LSAMP: variants seen among roughly 807,000 people sequenced by gnomAD.
LSAMP encodes the protein limbic system-associated membrane protein.
A neutral mutation model predicts 38.6 loss-of-function variants in LSAMP; 7 were observed. That is an observed-to-expected ratio of 0.18 (90% CI 0.10 to 0.34). The LOEUF is 0.34. Among genes scored for constraint, LSAMP ranks in the 10% least tolerant of loss-of-function variants. LSAMP has a pLI of 1.00. For missense variants in LSAMP, 313 were observed against 420.0 expected, an observed-to-expected ratio of 0.75 and a Z score of 2.23; for synonymous variants, 154 against 166.8, an observed-to-expected ratio of 0.92 and a Z score of 0.59.
chr3:115,944,208 G>C (rs1306257956), intron 3 of LSAMP, among the ~76,000 whole-genome samples: 1 of 152,102 alleles, frequency 6.6e-6, no homozygotes, highest in Non-Finnish European at 1.5e-5. Flanking sequence ...GAATGTCCTT[G>C]CTGATGCTGC....
intron 1 of LSAMP, among the ~76,000 whole-genome samples, chr3:116,247,613 G>C (rs993262363): frequency 6.6e-6 from 1 of 152,028 alleles, no homozygotes; most frequent in East Asian, 1.9e-4. Context: ...AGAAGTTTTG[G>C]GACTATGGTA....
At chr3:115,860,273 A>G (rs1280634440) in intron 3 of LSAMP, among the ~76,000 whole-genome samples, 1 of 152,232 alleles carries the variant, frequency 6.6e-6, no homozygotes, top group Non-Finnish European at 1.5e-5. Context: ...TAGAGTGGTC[A>G]AGAAACTTGC....
intron 2 of LSAMP, among the ~76,000 whole-genome samples, chr3:116,075,959 T>G (rs1707732624): frequency 6.6e-6 from 1 of 152,232 alleles, no homozygotes; most frequent in African/African-American, 2.4e-5. Context: ...CATTTATTGA[T>G]AATTCTTTCT....
intron 3 of LSAMP, among the ~76,000 whole-genome samples, chr3:115,883,066 G>A (rs1236703888): frequency 6.6e-6 from 1 of 152,002 alleles, no homozygotes; most frequent in Non-Finnish European, 1.5e-5. Flanking sequence ...TAGATTGAAG[G>A]AGAAAGAGAA....
At chr3:116,095,656 A>G (rs898805820) in intron 1 of LSAMP, among the ~76,000 whole-genome samples, 6 of 152,234 alleles carry the variant, frequency 3.9e-5, no homozygotes, top group African/African-American at 7.2e-5. Context: ...ATAAGTATTG[A>G]GACTGAGACC....
intron 1 of LSAMP, among the ~76,000 whole-genome samples, chr3:116,299,256 G>A (rs1282558982): frequency 6.6e-6 from 1 of 152,200 alleles, no homozygotes; most frequent in African/African-American, 2.4e-5. Context: ...CTATTGACAT[G>A]CTAAAAGGTC....
intron 1 of LSAMP, among the ~76,000 whole-genome samples, chr3:116,323,843 T>C (rs2047737647): frequency 1.3e-5 from 2 of 152,144 alleles, no homozygotes; most frequent in Admixed American, 6.6e-5. Flanking sequence ...TCAGCTTCAT[T>C]GCCCTTCTTT....
chr3:115,961,061 CAG>C (rs1331021766), intron 3 of LSAMP, among the ~76,000 whole-genome samples: 3 of 152,182 alleles, frequency 2.0e-5, no homozygotes, highest in Non-Finnish European at 4.4e-5. Context: ...TTTTCAGCAG[CAG>C]CTTAACGAGG....
intron 4 of LSAMP, among the ~76,000 whole-genome samples, chr3:115,851,327 G>A (rs1935324450): frequency 6.6e-6 from 1 of 152,178 alleles, no homozygotes; most frequent in Non-Finnish European, 1.5e-5. Context: ...GAATTGCAAA[G>A]TCCTTATCTT....
chr3:116,324,964 G>T (rs1195813686), intron 1 of LSAMP, among the ~76,000 whole-genome samples: 1 of 151,880 alleles, frequency 6.6e-6, no homozygotes, highest in Non-Finnish European at 1.5e-5. Flanking sequence ...CACTAGCAAA[G>T]TGTTGATACA....
rs932479291 is a variant in LSAMP at position 116,346,398 on chromosome 3, A to G, written c.155+98479T>C. Reference sequence around the variant, plus strand: ...AGATGGAATGCAGTGGTACCATCTCAGTTCACTGCAACCTCTGCTTCCCAG... The same window carrying G: ...AGATGGAATGCAGTGGTACCATCTCGGTTCACTGCAACCTCTGCTTCCCAG... On this transcript the variant is annotated intron_variant, in intron 1 of 6. Transcript: ENST00000490035. Among the ~76,000 whole-genome samples, 22 of 149,878 alleles carry G rather than the reference A, an allele frequency of 1.5e-4. 1 individual carries two copies. The highest frequency in any genetic ancestry group is 8.9e-5 in the Non-Finnish European group (6 of 67,708).
At chr3:116,117,303 C>A (rs1367808347) in intron 1 of LSAMP, among the ~76,000 whole-genome samples, 4 of 152,112 alleles carry the variant, frequency 2.6e-5, no homozygotes, top group East Asian at 1.9e-4. Flanking sequence ...TCATGTCTGT[C>A]ATTCCCCCCC....
At chr3:116,053,394 G>A (rs1039855509) in intron 2 of LSAMP, among the ~76,000 whole-genome samples, 1 of 152,152 alleles carries the variant, frequency 6.6e-6, no homozygotes, top group African/African-American at 2.4e-5. Flanking sequence ...AGGAATATAG[G>A]CAACCATGGC....
chr3:116,359,795 G>A (rs1359600661), intron 1 of LSAMP, among the ~76,000 whole-genome samples: 1 of 151,908 alleles, frequency 6.6e-6, no homozygotes, highest in Non-Finnish European at 1.5e-5. Context: ...ATTGAAACTG[G>A]GCCCCTTCCT....
At position 115,806,605 on chromosome 3, in the gene LSAMP, G is replaced by A. The variant is rs1248144143; in HGVS notation, c.*3712C>T. The A allele has an allele frequency of 6.6e-6, 1 of 152,162 alleles. No homozygotes were observed. The highest frequency in any genetic ancestry group is 1.5e-5 in the Non-Finnish European group (1 of 68,026). The allele number at this position is 152,162 out of a possible 1,614,324, so 9.4% of individuals were successfully genotyped here. A position where few individuals can be genotyped will look rare whatever the true frequency, so the allele number is the denominator to read the frequency against. The stretch of plus-strand genomic sequence containing the variant: ...GGTCCTCCAAGAACGTGAAAATCAC[G>A]AGTACTTTTACAAGGTCTCTATAAG... On this transcript the variant is annotated 3_prime_UTR_variant, in exon 7 of 7. Transcript: ENST00000490035.
At chr3:115,895,438 T>A (rs2107468673) in intron 3 of LSAMP, among the ~76,000 whole-genome samples, 1 of 152,202 alleles carries the variant, frequency 6.6e-6, no homozygotes, top group South Asian at 2.1e-4. Flanking sequence ...GCTGTTGGTT[T>A]CACAAACTGG....
chr3:115,972,146 A>G (rs1939039781), intron 3 of LSAMP, among the ~76,000 whole-genome samples: 1 of 152,076 alleles, frequency 6.6e-6, no homozygotes, highest in African/African-American at 2.4e-5. Flanking sequence ...TATTCTATGA[A>G]CAAGCTTGAG....
chr3:116,262,477 T>G (rs767043769), intron 1 of LSAMP, among the ~76,000 whole-genome samples: 3 of 152,236 alleles, frequency 2.0e-5, no homozygotes, highest in Non-Finnish European at 2.9e-5. Context: ...TCTTTTTCTG[T>G]TGATATTTTG....
intron 1 of LSAMP, among the ~76,000 whole-genome samples, chr3:116,399,359 GA>G (rs1475327613): frequency 2.0e-5 from 3 of 152,120 alleles, no homozygotes; most frequent in African/African-American, 7.2e-5. Flanking sequence ...TGCTTTTAAA[GA>G]TCTAAGCAAG....
Sources: allele counts gnomAD v4.1 joint callset (sites outside exome capture counted in the v4.1 genomes callset), GRCh38; gene constraint gnomAD v4.1.1; transcripts MANE v1.5; gene names NCBI Gene and HGNC (gene_info 2026-07-23, HGNC 2026-07-21).